PLEKHA6: variants seen among roughly 807,000 people sequenced by gnomAD.
The protein encoded by PLEKHA6 is pleckstrin homology domain-containing family A member 6.
In PLEKHA6, 60 loss-of-function variants were observed where a neutral mutation model predicts 116.7. The observed-to-expected ratio is 0.51, with a 90% CI of 0.42 to 0.64. PLEKHA6 has a LOEUF of 0.64. Ranked by LOEUF, PLEKHA6 falls within the 30% of genes least tolerant of loss-of-function variation. The pLI is 0.00. For synonymous variants in PLEKHA6, 489 were observed against 556.1 expected, an observed-to-expected ratio of 0.88 and a Z score of 1.70; for missense variants, 1,338 against 1,422.7, an observed-to-expected ratio of 0.94 and a Z score of 0.96.
At chr1:204,230,974 C>T (rs1165164453) in intron 17 of PLEKHA6, among the ~76,000 whole-genome samples, 3 of 152,226 alleles carry the variant, frequency 2.0e-5, no homozygotes, top group Non-Finnish European at 4.4e-5. Flanking sequence ...TCCCTCAGGG[C>T]TTCCAGAAGG....
intron 3 of PLEKHA6, among the ~76,000 whole-genome samples, chr1:204,367,177 T>C (rs1319102600): frequency 6.6e-6 from 1 of 151,998 alleles, no homozygotes; most frequent in African/African-American, 2.4e-5. Context: ...TGTCTTCTGC[T>C]TCCAAGATTA....
At chr1:204,246,515 A>G (rs1442911890) in intron 13 of PLEKHA6, among the ~76,000 whole-genome samples, 1 of 152,144 alleles carries the variant, frequency 6.6e-6, no homozygotes, top group Admixed American at 6.5e-5. Flanking sequence ...TCTTCACCCT[A>G]CCTAACCAGC....
chr1:204,259,878 T>C lies in PLEKHA6; in HGVS notation c.525-138A>G, dbSNP rs74138411. ...GGAACCAGGATTCTATGAACTCCAG[T>C]TCTGCTTCCTAAGTCCCACCCCTTC... On this transcript the variant is annotated intron_variant, in intron 7 of 22. Transcript: ENST00000272203. The surrounding 1 kb of genome is among the most constrained non-coding windows in gnomAD (Gnocchi z 4.6). The C allele has an allele frequency of 8.3e-3, 7,266 of 873,572 alleles. 166 individuals are homozygous for C. Among genetic ancestry groups the C allele is most frequent in the African/African-American group, 0.075 (4,427 of 58,996 alleles). The allele number at this position is 873,572 out of a possible 1,614,324, so 54.1% of individuals were successfully genotyped here.
Position 204,331,872 on chromosome 1 carries a change from G to A in PLEKHA6, c.-95+27822C>T, listed in dbSNP as rs909323016. 3.4e-5 allele frequency among the ~76,000 whole-genome samples: 4 copies of A among 119,338 alleles called. No homozygotes were observed. In the East Asian group the frequency reaches 7.3e-4, roughly 22 times the overall value. 78.3% of individuals were successfully genotyped at this position (119,338 alleles called of 152,430 possible). A position where few individuals can be genotyped will look rare whatever the true frequency, so the allele number is the denominator to read the frequency against. On this transcript the variant is annotated intron_variant, in intron 1 of 22. Transcript: ENST00000272203. ...CCTAGAGTCACCCAGCCGTCCCCCC[G>A]TCCTCAAAGCCCCATGCCCCGAGAG...
upstream of PLEKHA6, among the ~76,000 whole-genome samples, chr1:204,360,806 T>C (rs1673542641): frequency 6.6e-6 from 1 of 152,152 alleles, no homozygotes; most frequent in South Asian, 2.1e-4. Flanking sequence ...GTACCTGGGT[T>C]CTGTATTATT....
intron 15 of PLEKHA6, among the ~76,000 whole-genome samples, chr1:204,244,544 A>T (rs1663364444): frequency 6.6e-6 from 1 of 152,140 alleles, no homozygotes; most frequent in Non-Finnish European, 1.5e-5. Flanking sequence ...ACTGACCCTT[A>T]ACCCTGTTGC....
intron 3 of PLEKHA6, among the ~76,000 whole-genome samples, chr1:204,269,288 A>G (rs1197821148): frequency 7.6e-6 from 1 of 131,294 alleles, no homozygotes; most frequent in Non-Finnish European, 1.7e-5. Flanking sequence ...ACTTCCCTAC[A>G]AAGCCTGGCC....
chr1:204,277,234 T>C lies in PLEKHA6; in HGVS notation c.-94-2425A>G, dbSNP rs1668111607. On this transcript the variant is annotated intron_variant, in intron 1 of 22. Coordinates refer to ENST00000272203, the MANE Select transcript of PLEKHA6 (RefSeq NM_014935.5). This position sits in a 1 kb window ranked among gnomAD's most constrained non-coding sequence, Gnocchi z 4.1. Reference sequence around the variant, plus strand: ...CCAGGAGGGCACTCTCCTTGGGTGGTGGTAGGGGTCGCCTAGGTGCCCTAG... The same window carrying C: ...CCAGGAGGGCACTCTCCTTGGGTGGCGGTAGGGGTCGCCTAGGTGCCCTAG... The C allele has an allele frequency of 6.6e-6, 1 of 152,204 alleles. No homozygotes were observed. The highest frequency in any genetic ancestry group is 6.6e-5 in the Admixed American group (1 of 15,246). 9.4% of individuals were successfully genotyped at this position (152,204 alleles called of 1,614,324 possible).
At chr1:204,299,648 G>T (rs1380388625) in intron 1 of PLEKHA6, 2 of 985,054 alleles carry the variant, frequency 2.0e-6, no homozygotes, top group Admixed American at 6.1e-5. Flanking sequence ...AGCAACGTGG[G>T]TCTTCTACTG....
chr1:204,304,939 G>C (rs965272635), intron 1 of PLEKHA6, among the ~76,000 whole-genome samples: 1 of 152,184 alleles, frequency 6.6e-6, no homozygotes, highest in Non-Finnish European at 1.5e-5. Flanking sequence ...CAGGTGTCCA[G>C]TGAGCATCTA....
At chr1:204,367,320 C>T (rs1359001041) in intron 3 of PLEKHA6, among the ~76,000 whole-genome samples, 3 of 152,206 alleles carry the variant, frequency 2.0e-5, no homozygotes, top group East Asian at 1.9e-4. Flanking sequence ...CCCCCAGAAT[C>T]GCAGATGCCC....
chr1:204,264,812 C>A, intron 6 of PLEKHA6, 130 bp downstream of exon 6: 2 of 743,624 alleles, frequency 2.7e-6, no homozygotes, highest in South Asian at 1.5e-5. Flanking sequence ...CCCAACCCAC[C>A]ACCACTGCTA....
In PLEKHA6 at chr1:204,247,500, A is replaced by G. The variant is rs1467131097; in HGVS notation, c.1825-40T>C. On this transcript the variant is annotated intron_variant, in intron 12 of 22. Coordinates refer to ENST00000272203, the MANE Select transcript of PLEKHA6 (RefSeq NM_014935.5). Reference sequence around the variant, plus strand: ...GGCGTTCACTGAGAAAGCCGCCATCACCAAGGCATTCCTCCTTATCCTGCA... The same window carrying G: ...GGCGTTCACTGAGAAAGCCGCCATCGCCAAGGCATTCCTCCTTATCCTGCA... 8 of 1,330,920 alleles carry G rather than the reference A, an allele frequency of 6.0e-6. No individual in the cohort carries two copies. In the African/African-American group the frequency reaches 1.0e-4, roughly 17 times the overall value. The allele number at this position is 1,330,920 out of a possible 1,614,324, so 82.4% of individuals were successfully genotyped here.
chr1:204,256,826 T>G, intron 9 of PLEKHA6: 1 of 657,140 alleles, frequency 1.5e-6, no homozygotes, highest in East Asian at 2.9e-5. Context: ...CCGTGGGGGA[T>G]GGTGGGTAGT....
At position 204,259,344 on chromosome 1, in the gene PLEKHA6, T is replaced by A. The variant is rs748987015; in HGVS notation, c.921A>T (p.Lys307Asn). 6.2e-7 allele frequency: 1 copy of A among 1,614,166 alleles called. No individual in the cohort carries two copies. The highest frequency in any genetic ancestry group is 1.1e-5 in the South Asian group (1 of 91,086). ...RSFPPRTNPD[K>N]IAQRKSSMNQ... ...TCATGGAGCTCTTGCGCTGGGCAAT[T>A]TTGTCAGGGTTGGTGCGTGGTGGGA... The change falls in exon 8 of 23, where the codon AAA becomes AAT. Residue 307 changes from lysine (K) to asparagine (N), a missense_variant. Lys to Asn is a moderately conservative substitution (Grantham distance 94). This residue lies in a region of PLEKHA6 where 1,136 missense variants were observed against 1,163.6 expected (regional missense o/e 0.98). Coordinates refer to ENST00000272203, the MANE Select transcript of PLEKHA6 (RefSeq NM_014935.5). This position sits in a 1 kb window ranked among gnomAD's most constrained non-coding sequence, Gnocchi z 4.6.
At chr1:204,243,996 AT>A (rs779889685) in intron 15 of PLEKHA6, among the ~76,000 whole-genome samples, 8 of 146,932 alleles carry the variant, frequency 5.4e-5, no homozygotes, top group Non-Finnish European at 1.1e-4. Flanking sequence ...AATTTTTTGT[AT>A]TTTTTAGTAG....
At chr1:204,366,942 G>A (rs141215533) in intron 3 of PLEKHA6, among the ~76,000 whole-genome samples, 36 of 152,312 alleles carry the variant, frequency 2.4e-4, no homozygotes, top group Non-Finnish European at 4.3e-4. Context: ...TCCCTGCCCT[G>A]GCTAGACTGG....
chr1:204,243,752 A>G (rs943556527), intron 15 of PLEKHA6, among the ~76,000 whole-genome samples: 4 of 152,138 alleles, frequency 2.6e-5, no homozygotes, highest in Admixed American at 6.5e-5. Context: ...GGTCCATAGG[A>G]TGCTGGGCTC....
At chr1:204,297,094 G>T in intron 1 of PLEKHA6, 2 of 984,044 alleles carry the variant, frequency 2.0e-6, no homozygotes, top group Non-Finnish European at 2.4e-6. Context: ...GAAAGGAAAA[G>T]AATTTAGTGA....
Sources: gnomAD v4.1 joint callset for allele counts (sites outside exome capture counted in the v4.1 genomes callset) on GRCh38, gnomAD v4.1.1 for gene constraint, gnomAD v4.1.1 regional missense constraint, Gnocchi (gnomAD v3.1) non-coding constraint, MANE v1.5 for transcripts, NCBI Gene and HGNC (gene_info 2026-07-23, HGNC 2026-07-21) for gene names.